Variants in UBE2QL1 observed in about 807,000 individuals in gnomAD.
The protein encoded by UBE2QL1 is ubiquitin-conjugating enzyme E2Q-like protein 1.
A neutral mutation model predicts 12.6 loss-of-function variants in UBE2QL1; 5 were observed. The observed-to-expected ratio is 0.40, with a 90% CI of 0.21 to 0.83. The LOEUF (loss-of-function observed/expected upper bound fraction) is 0.83, where lower values mean the gene tolerates loss of function less well. Ranked by LOEUF, UBE2QL1 falls within the 40% of genes least tolerant of loss-of-function variation. The pLI is 0.37. For missense variants in UBE2QL1, 99 were observed against 222.6 expected (o/e 0.44, Z 3.53); for synonymous variants, 96 against 94.5 (o/e 1.02, Z -0.10).
At chr5:6,488,711 G>C (rs1304539697) in intron 1 of UBE2QL1, among the ~76,000 whole-genome samples, 1 of 151,906 alleles carries the variant, frequency 6.6e-6, no homozygotes, top group Non-Finnish European at 1.5e-5. Flanking sequence ...GAGGCAGGAG[G>C]ATCTCTTGAG....
At chr5:6,451,073 T>C (rs1409224429) in intron 1 of UBE2QL1, among the ~76,000 whole-genome samples, 2 of 152,240 alleles carry the variant, frequency 1.3e-5, no homozygotes, top group Non-Finnish European at 2.9e-5. Flanking sequence ...GTTATTGTTT[T>C]TCATTCTTCG....
intron 1 of UBE2QL1, among the ~76,000 whole-genome samples, chr5:6,485,596 A>G (rs1734451103): frequency 6.6e-6 from 1 of 152,196 alleles, no homozygotes; most frequent in Non-Finnish European, 1.5e-5. Context: ...TAAGGTTACG[A>G]GTGCTTTTAG....
At position 6,476,337 on chromosome 5, in the gene UBE2QL1, T is replaced by C. The variant is rs73036276; in HGVS notation, c.355-14881T>C. Among the ~76,000 whole-genome samples, 1,247 of 152,346 alleles carry C rather than the reference T, an allele frequency of 8.2e-3. 11 individuals are homozygous for C. Among genetic ancestry groups the C allele is most frequent in the African/African-American group, 0.029 (1,211 of 41,576 alleles). ...ATGCACCAAGCATGGTTCCAGCTTA[T>C]TTTGAGGTGTTTGGTTGTTAAAAGT... On this transcript the variant is annotated intron_variant, in intron 1 of 1. Transcript: ENST00000399816. This position sits in a 1 kb window ranked among gnomAD's most constrained non-coding sequence, Gnocchi z 4.9.
intron 1 of UBE2QL1, among the ~76,000 whole-genome samples, chr5:6,465,626 C>T (rs1739770738): frequency 6.6e-6 from 1 of 152,164 alleles, no homozygotes; most frequent in Non-Finnish European, 1.5e-5. Context: ...TGGGGGGGCT[C>T]TGGGATGCTT....
chr5:6,470,758 C>T (rs538366111), intron 1 of UBE2QL1, among the ~76,000 whole-genome samples: 2 of 152,334 alleles, frequency 1.3e-5, no homozygotes, highest in South Asian at 2.1e-4. Context: ...CCCTAAACAA[C>T]CCACGGGGAC....
At chr5:6,470,689 A>G (rs1053282422) in intron 1 of UBE2QL1, among the ~76,000 whole-genome samples, 12 of 152,294 alleles carry the variant, frequency 7.9e-5, no homozygotes, top group Non-Finnish European at 1.5e-4. Context: ...GTGCAGGCTG[A>G]TGTGGACGTC....
At position 6,479,089 on chromosome 5, in the gene UBE2QL1, T is replaced by C. The variant is rs1579298833; in HGVS notation, c.355-12129T>C. On this transcript the variant is annotated intron_variant, in intron 1 of 1. Transcript: ENST00000399816. The surrounding 1 kb of genome is among the most constrained non-coding windows in gnomAD (Gnocchi z 4.2). ...GCCTCATCCTGAAATCAGGGAGGCG[T>C]GGCAGGGTGGAGGCAGCCGTGGGCA... Among the ~76,000 whole-genome samples the C allele has an allele frequency of 6.6e-6, 1 of 151,874 alleles. No individual in the cohort carries two copies. The highest frequency in any genetic ancestry group is 6.6e-5 in the Admixed American group (1 of 15,266).
chr5:6,470,901 A>T (rs1300137641), intron 1 of UBE2QL1, among the ~76,000 whole-genome samples: 1 of 152,164 alleles, frequency 6.6e-6, no homozygotes, highest in Non-Finnish European at 1.5e-5. Context: ...GCCCTTCAGA[A>T]AGGTTACCCC....
intron 1 of UBE2QL1, among the ~76,000 whole-genome samples, chr5:6,456,390 G>A (rs1444770473): frequency 2.0e-5 from 3 of 152,122 alleles, no homozygotes; most frequent in Non-Finnish European, 2.9e-5. Flanking sequence ...ATTGAGACTC[G>A]ACATTAACAT....
In UBE2QL1 at chr5:6,481,784, A is replaced by G. The variant is rs1390857120; in HGVS notation, c.355-9434A>G. On this transcript the variant is annotated intron_variant, in intron 1 of 1. Transcript: ENST00000399816. This position sits in a 1 kb window ranked among gnomAD's most constrained non-coding sequence, Gnocchi z 4.5. ...AATAACCTAACTGGACAACACCCCA[A>G]AACTGACCGCCATACCACCTCCCAA... is the stretch of plus-strand genomic sequence containing the variant. Among the ~76,000 whole-genome samples, 1 of 152,168 alleles carries G rather than the reference A, an allele frequency of 6.6e-6. No homozygotes were observed. The highest frequency in any genetic ancestry group is 1.5e-5 in the Non-Finnish European group (1 of 68,032).
intron 1 of UBE2QL1, among the ~76,000 whole-genome samples, chr5:6,462,439 G>T (rs1362905810): frequency 6.6e-6 from 1 of 152,204 alleles, no homozygotes; most frequent in African/African-American, 2.4e-5. Context: ...AGTGAGGCCA[G>T]TTCCTGTGTT....
rs536935900 is a variant in UBE2QL1 at position 6,481,114 on chromosome 5, G to A, written c.355-10104G>A. Among the ~76,000 whole-genome samples the A allele has an allele frequency of 1.3e-5, 2 of 152,090 alleles. No homozygotes were observed. The highest frequency in any genetic ancestry group is 2.9e-5 in the Non-Finnish European group (2 of 68,010). On this transcript the variant is annotated intron_variant, in intron 1 of 1. Coordinates refer to ENST00000399816, the MANE Select transcript of UBE2QL1 (RefSeq NM_001145161.3). This position sits in a 1 kb window ranked among gnomAD's most constrained non-coding sequence, Gnocchi z 4.5. ...CTCAGATGACTGTTTTTCAAGAGTT[G>A]GCCCGGAGCGTGCTTCTCGGGCCAT...
At chr5:6,480,130 T>TA (rs1734329600) in intron 1 of UBE2QL1, among the ~76,000 whole-genome samples, 1 of 152,218 alleles carries the variant, frequency 6.6e-6, no homozygotes, top group Admixed American at 6.5e-5. Flanking sequence ...TGCCTTCTCT[T>TA]ACATCTGTGA....
chr5:6,472,615 A>G (rs774874609), intron 1 of UBE2QL1, among the ~76,000 whole-genome samples: 1 of 151,992 alleles, frequency 6.6e-6, no homozygotes, highest in Non-Finnish European at 1.5e-5. Context: ...CCTTCCCTGC[A>G]TTGTGTCCGG....
chr5:6,471,575 G>A (rs1739913301), intron 1 of UBE2QL1, among the ~76,000 whole-genome samples: 1 of 152,168 alleles, frequency 6.6e-6, no homozygotes, highest in Non-Finnish European at 1.5e-5. Flanking sequence ...AGAGAGAGAG[G>A]TTACCCAGGA....
chr5:6,472,240 T>G (rs187687397), intron 1 of UBE2QL1, among the ~76,000 whole-genome samples: 3 of 152,274 alleles, frequency 2.0e-5, no homozygotes, highest in East Asian at 3.9e-4. Context: ...TCCACTCCCC[T>G]GGGGATGCCA....
At chr5:6,475,616 C>T (rs1734212979) in intron 1 of UBE2QL1, among the ~76,000 whole-genome samples, 1 of 144,998 alleles carries the variant, frequency 6.9e-6, no homozygotes, top group Non-Finnish European at 1.5e-5. Context: ...TGGAGTCTCA[C>T]TGAGAGCTCT....
At chr5:6,463,466 C>T (rs1275702825) in intron 1 of UBE2QL1, among the ~76,000 whole-genome samples, 4 of 151,946 alleles carry the variant, frequency 2.6e-5, no homozygotes, top group East Asian at 3.9e-4. Context: ...CACTTTTCTG[C>T]GTGGTGCAGA....
At chr5:6,484,750 C>A (rs996307815) in intron 1 of UBE2QL1, among the ~76,000 whole-genome samples, 2 of 151,850 alleles carry the variant, frequency 1.3e-5, no homozygotes, top group African/African-American at 4.8e-5. Flanking sequence ...GTCTTTCTCC[C>A]CCTCCCCTGT....
Sources: gnomAD v4.1 joint callset for allele counts (sites outside exome capture counted in the v4.1 genomes callset) on GRCh38, gnomAD v4.1.1 for gene constraint, Gnocchi (gnomAD v3.1) non-coding constraint, MANE v1.5 for transcripts, NCBI Gene and HGNC (gene_info 2026-07-23, HGNC 2026-07-21) for gene names.